The following PLCL2 variants were observed in gnomAD, a reference collection of about 807,000 sequenced individuals.
The protein encoded by PLCL2 is inactive phospholipase C-like protein 2.
In PLCL2, 4 loss-of-function variants were observed where a neutral mutation model predicts 79.6. The observed-to-expected ratio is 0.05, with a 90% CI of 0.02 to 0.11. The LOEUF (loss-of-function observed/expected upper bound fraction) is 0.11, where lower values mean the gene tolerates loss of function less well. PLCL2 is among the 10% of genes least tolerant of loss of function. The probability of loss-of-function intolerance (pLI) is 1.00; values close to 1 mark genes in which losing one functional copy is unlikely to be tolerated. For synonymous variants in PLCL2, 484 were observed against 457.7 expected (o/e 1.06, Z -0.73); for missense variants, 895 against 1,291.0 (o/e 0.69, Z 4.70).
chr3:17,058,784 C>T (rs150522418), intron 4 of PLCL2, among the ~76,000 whole-genome samples: 35 of 152,220 alleles, frequency 2.3e-4, no homozygotes, highest in African/African-American at 7.7e-4. Context: ...TAAGGTATGG[C>T]AGCCAGAGAG....
intron 5 of PLCL2, among the ~76,000 whole-genome samples, chr3:17,082,289 AC>A (rs2065170945): frequency 6.6e-6 from 1 of 150,946 alleles, no homozygotes; most frequent in African/African-American, 2.4e-5. Flanking sequence ...GTTTACAGGC[AC>A]CCGCCACCAT....
At chr3:16,981,910 C>G (rs1186892853) in intron 1 of PLCL2, among the ~76,000 whole-genome samples, 1 of 152,200 alleles carries the variant, frequency 6.6e-6, no homozygotes, top group Admixed American at 6.5e-5. Context: ...GATATCTTAT[C>G]CCAAAGCTCC....
chr3:16,951,070 G>T (rs7645696), intron 1 of PLCL2, among the ~76,000 whole-genome samples: 4,260 of 152,184 alleles, frequency 0.028, 195 homozygotes, highest in African/African-American at 0.095. Flanking sequence ...AATGTCAACA[G>T]TGCTGTTTGA....
Position 17,028,190 on chromosome 3 carries a change from C to T in PLCL2, c.3018+13279C>T, listed in dbSNP as rs76054011. 2.2e-4 allele frequency among the ~76,000 whole-genome samples: 34 copies of T among 152,224 alleles called. 2 individuals are homozygous for T. In the South Asian group the frequency reaches 6.2e-3, roughly 28 times the overall value. Reference sequence around the variant, plus strand: ...GTAGAGTTAGTGAGCAGCTCTGCATCGTCTCTGAAAACCCCTCATTTCCTC... The same window carrying T: ...GTAGAGTTAGTGAGCAGCTCTGCATTGTCTCTGAAAACCCCTCATTTCCTC... On this transcript the variant is annotated intron_variant, in intron 3 of 5. Transcript: ENST00000615277.
intron 3 of PLCL2, among the ~76,000 whole-genome samples, chr3:17,030,249 C>A (rs975083860): frequency 2.0e-5 from 3 of 152,120 alleles, no homozygotes; most frequent in Non-Finnish European, 4.4e-5. Flanking sequence ...TTAAACTCTA[C>A]AATGGGCATT....
chr3:16,914,986 C>G (rs1032801036), intron 1 of PLCL2, among the ~76,000 whole-genome samples: 13 of 152,192 alleles, frequency 8.5e-5, no homozygotes, highest in Non-Finnish European at 1.5e-4. Context: ...TCCACCTCAG[C>G]TACCCAAAGT....
At chr3:16,953,723 T>C (rs1489294615) in intron 1 of PLCL2, among the ~76,000 whole-genome samples, 1 of 152,164 alleles carries the variant, frequency 6.6e-6, no homozygotes, top group Non-Finnish European at 1.5e-5. Flanking sequence ...TTAGATGGGT[T>C]AAAATTAGTA....
chr3:16,952,121 T>C (rs758206679), intron 1 of PLCL2, among the ~76,000 whole-genome samples: 3 of 150,534 alleles, frequency 2.0e-5, no homozygotes, highest in Non-Finnish European at 3.0e-5. Flanking sequence ...TAAGTGGGAG[T>C]TGAACAATGA....
intron 3 of PLCL2, among the ~76,000 whole-genome samples, chr3:17,030,798 T>C (rs2064572574): frequency 6.6e-6 from 1 of 152,244 alleles, no homozygotes; most frequent in Admixed American, 6.5e-5. Context: ...CGAACGTCTA[T>C]ACTTAGTTAT....
At chr3:16,998,642 A>T (rs2064177585) in intron 1 of PLCL2, among the ~76,000 whole-genome samples, 1 of 152,234 alleles carries the variant, frequency 6.6e-6, no homozygotes, top group South Asian at 2.1e-4. Flanking sequence ...TGTGAATTTT[A>T]TTGCAGTTTG....
chr3:17,037,772 CA>C (rs1236544235), intron 3 of PLCL2, among the ~76,000 whole-genome samples: 1 of 152,130 alleles, frequency 6.6e-6, no homozygotes, highest in Non-Finnish European at 1.5e-5. Context: ...AGATGAAGGG[CA>C]ATTCAGTGAA....
intron 1 of PLCL2, among the ~76,000 whole-genome samples, chr3:16,942,789 G>T (rs531819695): frequency 5.6e-4 from 86 of 152,234 alleles, no homozygotes; most frequent in Admixed American, 3.3e-4. Context: ...AACAACACTT[G>T]TAAAAGAGAA....
At chr3:17,055,304 G>A (rs757020502) in intron 4 of PLCL2, among the ~76,000 whole-genome samples, 1 of 152,104 alleles carries the variant, frequency 6.6e-6, no homozygotes, top group African/African-American at 2.4e-5. Context: ...GTGAAGTCAA[G>A]GGAAGAAGAG....
intron 1 of PLCL2, among the ~76,000 whole-genome samples, chr3:16,913,035 C>T (rs1175574155): frequency 6.6e-6 from 1 of 152,278 alleles, no homozygotes; most frequent in South Asian, 2.1e-4. Context: ...GATTAGTTCT[C>T]CTACAGCACT....
At position 17,012,109 on chromosome 3, in the gene PLCL2, G is replaced by A. The variant is rs745347338; in HGVS notation, c.2763G>A (p.Lys921=). 3 of 1,614,188 alleles carry A rather than the reference G, an allele frequency of 1.9e-6. No homozygotes were observed. Among genetic ancestry groups the A allele is most frequent in the South Asian group, 2.2e-5 (2 of 91,082 alleles). ...LWIKTVDEVF[K]NAQPPIRDAT... ...TTAAAACCGTGGATGAGGTATTCAA[G>A]AATGCCCAGCCCCCTATACGGGATG... Residue 921 remains lysine (K), a synonymous_variant, in exon 2 of 6, where the codon AAG becomes AAA. Transcript: ENST00000615277.
intron 1 of PLCL2, among the ~76,000 whole-genome samples, chr3:16,901,723 G>A (rs1034450430): frequency 6.6e-6 from 1 of 152,086 alleles, no homozygotes; most frequent in South Asian, 2.1e-4. Flanking sequence ...GCATTCTCAC[G>A]TTCTAAAAAA....
Position 17,009,524 on chromosome 3 carries a change from A to G in PLCL2, c.328-150A>G. ...CTGCAAGGCCAATTCTGAGCTTTAGAGATGAATGAGTATCATTCATCACAG... is the reference window on the plus strand; with the variant it reads ...CTGCAAGGCCAATTCTGAGCTTTAGGGATGAATGAGTATCATTCATCACAG... On this transcript the variant is annotated intron_variant, in intron 1 of 5. Coordinates refer to ENST00000615277, the MANE Select transcript of PLCL2 (RefSeq NM_001144382.2). This position sits in a 1 kb window ranked among gnomAD's most constrained non-coding sequence, Gnocchi z 4.0. 1.9e-6 allele frequency: 1 copy of G among 526,056 alleles called. No homozygotes were observed. The highest frequency in any genetic ancestry group is 3.4e-6 in the Non-Finnish European group (1 of 294,152). 32.6% of individuals were successfully genotyped at this position (526,056 alleles called of 1,614,324 possible).
rs150884909 is a variant in PLCL2 at position 17,063,955 on chromosome 3, C to T, written c.3095-4001C>T. Among the ~76,000 whole-genome samples the T allele has an allele frequency of 1.5e-3, 224 of 152,310 alleles. 1 individual carries two copies. The highest frequency in any genetic ancestry group is 5.1e-3 in the African/African-American group (210 of 41,574). On this transcript the variant is annotated intron_variant, in intron 4 of 5. Coordinates refer to ENST00000615277, the MANE Select transcript of PLCL2 (RefSeq NM_001144382.2). The stretch of plus-strand genomic sequence containing the variant: ...AGCTTTTTACTTCTTACCTGATTTT[C>T]GCCAGCTACTTTAAAATTCACTCTA...
intron 5 of PLCL2, among the ~76,000 whole-genome samples, chr3:17,079,876 T>G (rs2065144664): frequency 6.6e-6 from 1 of 152,102 alleles, no homozygotes; most frequent in African/African-American, 2.4e-5. Flanking sequence ...ACATGGAAAG[T>G]CAGATCCATG....
Sources: allele counts gnomAD v4.1 joint callset (sites outside exome capture counted in the v4.1 genomes callset), GRCh38; gene constraint gnomAD v4.1.1; non-coding constraint Gnocchi (gnomAD v3.1); transcripts MANE v1.5; gene names NCBI Gene and HGNC (gene_info 2026-07-23, HGNC 2026-07-21).